Variants in C19orf47 observed in about 807,000 individuals in gnomAD.
C19orf47 encodes the protein chromosome 19 open reading frame 47.
A neutral mutation model predicts 32.3 loss-of-function variants in C19orf47; 18 were observed. The observed-to-expected ratio is 0.56, with a 90% CI of 0.39 to 0.83. The LOEUF (loss-of-function observed/expected upper bound fraction) is 0.83, where lower values mean the gene tolerates loss of function less well. Ranked by LOEUF, C19orf47 falls within the 40% of genes least tolerant of loss-of-function variation. The probability of loss-of-function intolerance (pLI) is 0.00; values close to 1 mark genes in which losing one functional copy is unlikely to be tolerated. For missense variants in C19orf47, 484 were observed against 531.6 expected, an observed-to-expected ratio of 0.91 and a Z score of 0.88; for synonymous variants, 202 against 211.1, an observed-to-expected ratio of 0.96 and a Z score of 0.37.
At chr19:40,323,973 C>T (rs1279908830) in intron 8 of C19orf47, 33 bp downstream of exon 8, 7 of 1,613,420 alleles carry the variant, frequency 4.3e-6, no homozygotes, top group South Asian at 2.2e-5. Flanking sequence ...CAACAGCTCG[C>T]ACGCCCAGAA....
Position 40,320,298 on chromosome 19 carries a change from A to T in C19orf47, c.*1584T>A, listed in dbSNP as rs2077697925. The stretch of plus-strand genomic sequence containing the variant: ...ACTCAGCTCAGCACATCCCAGCTCC[A>T]AATCCTCCCGATCCAGCACTCCCGG... On this transcript the variant is annotated 3_prime_UTR_variant, in exon 9 of 9. Coordinates refer to ENST00000683109, the MANE Select transcript of C19orf47 (RefSeq NM_001256441.2). 1.3e-5 allele frequency: 2 copies of T among 155,836 alleles called. No homozygotes were observed. Among genetic ancestry groups the T allele is most frequent in the Non-Finnish European group, 2.9e-5 (2 of 69,290 alleles). The allele number at this position is 155,836 out of a possible 1,614,324, so 9.7% of individuals were successfully genotyped here.
chr19:40,348,369 C>G lies in C19orf47; in HGVS notation c.-79G>C. On this transcript the variant is annotated 5_prime_UTR_variant, in exon 1 of 9. Transcript: ENST00000683109. ...CCACTCGCGCCGCCCGCCCTCCCTC[C>G]CGGCGGCGCCAACTGTCAGACACTC... is the stretch of plus-strand genomic sequence containing the variant. 1 of 1,415,638 alleles carries G rather than the reference C, an allele frequency of 7.1e-7. No homozygotes were observed. Among genetic ancestry groups the G allele is most frequent in the Non-Finnish European group, 9.2e-7 (1 of 1,085,168 alleles). The allele number at this position is 1,415,638 out of a possible 1,614,324, so 87.7% of individuals were successfully genotyped here. A position where few individuals can be genotyped will look rare whatever the true frequency, so the allele number is the denominator to read the frequency against.
chr19:40,296,075 T>G, the C19orf47 span, among the ~76,000 whole-genome samples: 9 of 152,128 alleles, frequency 5.9e-5, no homozygotes, highest in Non-Finnish European at 1.3e-4. Context: ...CAGTCACGTG[T>G]CACTTAATGA....
rs1432703564 is a variant in C19orf47, at chr19:40,336,414, G to C, written c.20-7C>G. ...TGGATCCACTCGGAAGTGGCTGTGGGGTTGGACAGGGCTCATTACTCACAC... is the reference window on the plus strand; with the variant it reads ...TGGATCCACTCGGAAGTGGCTGTGGCGTTGGACAGGGCTCATTACTCACAC... On this transcript the variant is annotated splice_polypyrimidine_tract_variant and splice_region_variant and intron_variant, in intron 2 of 8. Coordinates refer to ENST00000683109, the MANE Select transcript of C19orf47 (RefSeq NM_001256441.2). 6.2e-7 allele frequency: 1 copy of C among 1,610,268 alleles called. No individual in the cohort carries two copies. The highest frequency in any genetic ancestry group is 8.5e-7 in the Non-Finnish European group (1 of 1,178,096).
intron 2 of C19orf47, among the ~76,000 whole-genome samples, chr19:40,337,643 A>T (rs111960082): frequency 3.3e-5 from 5 of 152,032 alleles, no homozygotes; most frequent in Admixed American, 1.3e-4. Context: ...TACCTCACCC[A>T]TTTTTCTTTT....
chr19:40,308,433 G>A, the C19orf47 span, among the ~76,000 whole-genome samples: 1 of 150,744 alleles, frequency 6.6e-6, no homozygotes, highest in Non-Finnish European at 1.5e-5. Flanking sequence ...GGGATTACAG[G>A]TGTGAGCCAC....
chr19:40,311,363 G>A, the C19orf47 span, among the ~76,000 whole-genome samples: 544 of 149,182 alleles, frequency 3.6e-3, 10 homozygotes, highest in East Asian at 0.053. Context: ...TGGGCAACAA[G>A]AGCAAAACTC....
intron 4 of C19orf47, chr19:40,335,022 A>AAGGGAAGG (rs1167626080): frequency 1.3e-4 from 13 of 101,194 alleles, no homozygotes; most frequent in Non-Finnish European, 5.9e-5. Context: ...GGGAAGGAGG[A>AAGGGAAGG]AGGGAAGGAG....
chr19:40,297,242 G>A, the C19orf47 span, among the ~76,000 whole-genome samples: 1 of 152,106 alleles, frequency 6.6e-6, no homozygotes, highest in Non-Finnish European at 1.5e-5. Context: ...CTTAGATGAT[G>A]GCTGCCTGAC....
intron 1 of C19orf47, among the ~76,000 whole-genome samples, chr19:40,346,430 G>A (rs1184680897): frequency 9.3e-5 from 13 of 140,422 alleles, no homozygotes; most frequent in African/African-American, 2.4e-4. Flanking sequence ...GCAACAGAGC[G>A]AGACCTTGTC....
Position 40,336,420 on chromosome 19 carries a change from A to G in C19orf47, c.20-13T>C. On this transcript the variant is annotated splice_polypyrimidine_tract_variant and intron_variant, in intron 2 of 8. Transcript: ENST00000683109. ...CACTCGGAAGTGGCTGTGGGGTTGG[A>G]CAGGGCTCATTACTCACACTGTCCT... 6.2e-7 allele frequency: 1 copy of G among 1,608,352 alleles called. No homozygotes were observed. Among genetic ancestry groups the G allele is most frequent in the Non-Finnish European group, 8.5e-7 (1 of 1,176,816 alleles).
At chr19:40,346,602 C>G (rs1219117294) in intron 1 of C19orf47, among the ~76,000 whole-genome samples, 2 of 149,014 alleles carry the variant, frequency 1.3e-5, no homozygotes, top group Admixed American at 1.3e-4. Context: ...TCTCGTCTCA[C>G]TGCAACCTCT....
intron 1 of C19orf47, among the ~76,000 whole-genome samples, chr19:40,345,464 C>T (rs62107630): frequency 0.17 from 25,339 of 149,364 alleles, 2,331 homozygotes; most frequent in African/African-American, 0.22. Context: ...TTTGGGAGGC[C>T]GAAGCAGGAG....
chr19:40,331,019 G>A (rs372834861), intron 5 of C19orf47, among the ~76,000 whole-genome samples: 1 of 152,182 alleles, frequency 6.6e-6, no homozygotes, highest in Non-Finnish European at 1.5e-5. Flanking sequence ...GCACCCCACT[G>A]TAATATTATG....
Position 40,333,859 on chromosome 19 carries a change from C to T in C19orf47, c.293G>A (p.Gly98Asp). The T allele has an allele frequency of 6.4e-7, 1 of 1,572,738 alleles. No individual in the cohort carries two copies. Among genetic ancestry groups the T allele is most frequent in the South Asian group, 1.2e-5 (1 of 85,720 alleles). ...PSPLAGEIRR[G>D]TSAASRMITN... ...GAATAGTTAGGACTCACCACTGGTG[C>T]CACGGCGAATTTCGCCTGCAAGGGG... Residue 98 changes from glycine (G) to aspartate (D), a missense_variant, in exon 5 of 9, where the codon GGC (glycine) becomes GAC (aspartate). By Grantham distance (94) the Gly-to-Asp change is moderately conservative. Coordinates refer to ENST00000683109, the MANE Select transcript of C19orf47 (RefSeq NM_001256441.2).
intron 6 of C19orf47, among the ~76,000 whole-genome samples, chr19:40,327,625 T>C (rs573689124): frequency 6.6e-6 from 1 of 152,232 alleles, no homozygotes; most frequent in East Asian, 1.9e-4. Context: ...ATTTGCCTTA[T>C]GACACCATGA....
At chr19:40,293,846 C>T in the C19orf47 span, among the ~76,000 whole-genome samples, 19 of 152,094 alleles carry the variant, frequency 1.2e-4, no homozygotes, top group Non-Finnish European at 2.5e-4. Flanking sequence ...AGGGGCCGGG[C>T]GCAGCGGCTC....
downstream of C19orf47, among the ~76,000 whole-genome samples, chr19:40,316,560 C>T (rs887895691): frequency 1.3e-5 from 2 of 152,178 alleles, no homozygotes; most frequent in Admixed American, 6.5e-5. Flanking sequence ...TGGTAGTCAA[C>T]GTTAGCTCTC....
downstream of C19orf47, among the ~76,000 whole-genome samples, chr19:40,316,297 G>A (rs933672167): frequency 1.3e-5 from 2 of 152,164 alleles, no homozygotes; most frequent in African/African-American, 4.8e-5. Context: ...CCACTGATGT[G>A]GGCTACCAGA....
Sources: gnomAD v4.1 joint callset for allele counts (sites outside exome capture counted in the v4.1 genomes callset) on GRCh38, gnomAD v4.1.1 for gene constraint, MANE v1.5 for transcripts, NCBI Gene and HGNC (gene_info 2026-07-23, HGNC 2026-07-21) for gene names.